DIAPH2: variants seen among roughly 807,000 people sequenced by gnomAD.
DIAPH2 encodes protein diaphanous homolog 2.
In DIAPH2, 35 loss-of-function variants were observed where a neutral mutation model predicts 92.7. That is an observed-to-expected ratio of 0.38 (90% CI 0.29 to 0.50). The LOEUF is 0.50. DIAPH2 is among the 20% of genes least tolerant of loss of function. The pLI is 0.94. For synonymous variants in DIAPH2, 301 were observed against 280.4 expected (o/e 1.07, Z -0.73); for missense variants, 701 against 819.5 (o/e 0.86, Z 1.77).
At chrX:96,699,676 G>A (rs925283590) in intron 1 of DIAPH2, among the ~76,000 whole-genome samples, 3 of 111,976 alleles carry the variant, frequency 2.7e-5, no homozygotes, top group Middle Eastern at 4.2e-3. Flanking sequence ...CTCCTCAGCT[G>A]TTCTTTACTT....
At chrX:97,530,706 A>G (rs985802094) in intron 26 of DIAPH2, among the ~76,000 whole-genome samples, 20 of 111,150 alleles carry the variant, frequency 1.8e-4, no homozygotes, top group African/African-American at 6.2e-4. Context: ...TGACATTCTC[A>G]TAGACTTTTA....
rs770711211 is a variant in DIAPH2 at position 97,141,738 on chromosome X, A to G, written c.2663A>G (p.Tyr888Cys). The G allele has an allele frequency of 2.5e-6, 3 of 1,206,153 alleles. No homozygotes were observed. Among genetic ancestry groups the G allele is most frequent in the Non-Finnish European group, 3.4e-6 (3 of 893,292 alleles). ...ATTGCCGACATTTGTGAGGAAAAAT[A>G]TCGAGATATCCTAAAATTTCCTGAA... is the stretch of plus-strand genomic sequence containing the variant. ...HFIADICEEK[Y>C]RDILKFPEEL... The change falls in exon 22 of 27, where the codon TAT (tyrosine) becomes TGT (cysteine). Residue 888 changes from tyrosine (Y) to cysteine (C), a missense_variant. Tyr to Cys is a radical substitution (Grantham distance 194, BLOSUM62 -2). This residue lies in a region of DIAPH2 where 536 missense variants were observed against 599.3 expected (regional missense o/e 0.89). Coordinates refer to ENST00000324765, the MANE Select transcript of DIAPH2 (RefSeq NM_006729.5).
chrX:96,796,594 A>G (rs2064541589), intron 4 of DIAPH2, among the ~76,000 whole-genome samples: 1 of 111,706 alleles, frequency 9.0e-6, no homozygotes, highest in African/African-American at 3.3e-5. Context: ...CATATTAGAT[A>G]TGGCTCTTTG....
At chrX:97,150,211 ATG>A (rs1413472188) in intron 22 of DIAPH2, among the ~76,000 whole-genome samples, 2 of 111,878 alleles carry the variant, frequency 1.8e-5, no homozygotes, top group South Asian at 7.4e-4. Context: ...AAAGAAAGTC[ATG>A]TTTTCTTCTT....
At chrX:97,333,559 T>A (rs2069020166) in intron 23 of DIAPH2, among the ~76,000 whole-genome samples, 2 of 109,972 alleles carry the variant, frequency 1.8e-5, no homozygotes, top group South Asian at 4.0e-4. Context: ...TTCTACTTCC[T>A]TCATATTCCT....
intron 26 of DIAPH2, among the ~76,000 whole-genome samples, chrX:97,450,473 T>C (rs1387965336): frequency 9.0e-6 from 1 of 111,532 alleles, no homozygotes; most frequent in East Asian, 2.8e-4. Flanking sequence ...AAATCTGACA[T>C]GGTAAAAGGA....
chrX:96,882,976 AAAAAAAAC>A (rs1569419384), intron 5 of DIAPH2, among the ~76,000 whole-genome samples: 66 of 51,939 alleles, frequency 1.3e-3, no homozygotes, highest in Non-Finnish European at 2.0e-3. Flanking sequence ...AAAAAAAAAA[AAAAAAAAC>A]AAAAAAACAA....
In DIAPH2 at chrX:97,489,929, A is replaced by G. The variant is rs143423145; in HGVS notation, c.3241+60184A>G. On this transcript the variant is annotated intron_variant, in intron 26 of 26. Transcript: ENST00000324765. ...GTGTCTGTGACTTTGTATTAGGGTA[A>G]TACTGGCTTGATTGAATGAGTTTCG... 4.9e-3 allele frequency among the ~76,000 whole-genome samples: 548 copies of G among 111,809 alleles called. 3 individuals carry two copies. The highest frequency in any genetic ancestry group is 7.4e-3 in the South Asian group (20 of 2,706).
At chrX:97,037,247 C>G (rs369895017) in intron 17 of DIAPH2, among the ~76,000 whole-genome samples, 11 of 111,276 alleles carry the variant, frequency 9.9e-5, no homozygotes, top group African/African-American at 3.3e-4. Flanking sequence ...GTGTACTTTA[C>G]TGTAGTACAG....
At position 97,600,879 on chromosome X, in the gene DIAPH2, T is replaced by C. The variant is rs968550213; in HGVS notation, c.*1562T>C. Reference sequence around the variant, plus strand: ...CCCACAGATGATTCCTTTATATAGATGTATAATGATTCAAACTGCTGCCTT... The same window carrying C: ...CCCACAGATGATTCCTTTATATAGACGTATAATGATTCAAACTGCTGCCTT... On this transcript the variant is annotated 3_prime_UTR_variant, in exon 27 of 27. Transcript: ENST00000324765. 1.8e-5 allele frequency: 2 copies of C among 112,258 alleles called. No homozygotes were observed. Among genetic ancestry groups the C allele is most frequent in the African/African-American group, 6.5e-5 (2 of 30,916 alleles). 9.3% of individuals were successfully genotyped at this position (112,258 alleles called of 1,213,427 possible).
intron 22 of DIAPH2, among the ~76,000 whole-genome samples, chrX:97,186,427 T>C (rs1260822139): frequency 8.9e-6 from 1 of 112,010 alleles, no homozygotes; most frequent in Non-Finnish European, 1.9e-5. Flanking sequence ...TGCGTGTTCC[T>C]TTCCCACAAT....
intron 15 of DIAPH2, among the ~76,000 whole-genome samples, chrX:96,957,168 G>A (rs529083642): frequency 2.3e-4 from 26 of 112,001 alleles, no homozygotes; most frequent in Non-Finnish European, 3.8e-4. Context: ...TTACAGGCAC[G>A]TGTCACCATC....
intron 1 of DIAPH2, among the ~76,000 whole-genome samples, chrX:96,708,948 T>C (rs1250436298): frequency 8.9e-6 from 1 of 112,064 alleles, no homozygotes; most frequent in Non-Finnish European, 1.9e-5. Context: ...GGTAGGCAAA[T>C]AGGGCAAGAA....
intron 5 of DIAPH2, among the ~76,000 whole-genome samples, chrX:96,903,322 C>T (rs940738453): frequency 2.7e-5 from 3 of 111,440 alleles, no homozygotes; most frequent in African/African-American, 9.8e-5. Context: ...GTTTCATTTG[C>T]AGGGCTTATG....
At chrX:97,299,853 A>G (rs2068678924) in intron 23 of DIAPH2, among the ~76,000 whole-genome samples, 2 of 112,254 alleles carry the variant, frequency 1.8e-5, no homozygotes, top group Non-Finnish European at 3.8e-5. Context: ...AATTTATTCT[A>G]TATGTCATAT....
intron 25 of DIAPH2, among the ~76,000 whole-genome samples, chrX:97,397,215 G>T (rs112315152): frequency 0.016 from 1,748 of 111,606 alleles, 30 homozygotes; most frequent in African/African-American, 0.054. Flanking sequence ...GGTTTCATAT[G>T]CTATTTCGTA....
At chrX:97,278,844 T>A (rs2147597641) in intron 23 of DIAPH2, among the ~76,000 whole-genome samples, 1 of 112,351 alleles carries the variant, frequency 8.9e-6, no homozygotes, top group East Asian at 2.8e-4. Flanking sequence ...GCACCACTGG[T>A]TCTTCCAACA....
At chrX:96,876,672 A>G (rs964216427) in intron 4 of DIAPH2, among the ~76,000 whole-genome samples, 2 of 109,471 alleles carry the variant, frequency 1.8e-5, no homozygotes, top group Admixed American at 2.0e-4. Flanking sequence ...AAAAAACCAA[A>G]CATCGCATGT....
intron 26 of DIAPH2, among the ~76,000 whole-genome samples, chrX:97,515,547 G>A (rs961966621): frequency 8.9e-6 from 1 of 112,196 alleles, no homozygotes; most frequent in Non-Finnish European, 1.9e-5. Flanking sequence ...CCAAACCTGT[G>A]TATTCTTATG....
Sources: gnomAD v4.1 joint callset for allele counts (sites outside exome capture counted in the v4.1 genomes callset) on GRCh38, gnomAD v4.1.1 for gene constraint, gnomAD v4.1.1 regional missense constraint, MANE v1.5 for transcripts, NCBI Gene and HGNC (gene_info 2026-07-23, HGNC 2026-07-21) for gene names.